IRF9: variants seen among roughly 807,000 people sequenced by gnomAD.
IRF9 encodes IFN-alpha-responsive transcription factor subunit.
IRF9 carries 13 observed loss-of-function variants against 44.1 expected under a neutral mutation model. The ratio of observed to expected loss-of-function variants is 0.29; its 90% CI spans 0.19 to 0.47. The LOEUF (loss-of-function observed/expected upper bound fraction) is 0.47, where lower values mean the gene tolerates loss of function less well. Among genes scored for constraint, IRF9 ranks in the 20% least tolerant of loss-of-function variants. The pLI is 1.00. For synonymous variants in IRF9, 189 were observed against 188.5 expected, an observed-to-expected ratio of 1.00 and a Z score of -0.02; for missense variants, 373 against 496.1, an observed-to-expected ratio of 0.75 and a Z score of 2.36.
chr14:24,163,649 C>T, intron 4 of IRF9, 141 bp downstream of exon 4: 1 of 1,024,146 alleles, frequency 9.8e-7, no homozygotes. Context: ...CCAGCCTCGA[C>T]CAACATGGTG....
intron 7 of IRF9, chr14:24,165,514 C>G: frequency 1.9e-6 from 1 of 529,090 alleles, no homozygotes; most frequent in East Asian, 3.3e-5. Flanking sequence ...TGCCCTAGCA[C>G]TGGGAGGATG....
intron 2 of IRF9, 169 bp from the exon 3 acceptor site, chr14:24,162,797 C>CAA (rs373571727): frequency 2.8e-3 from 1,239 of 447,210 alleles, no homozygotes; most frequent in Middle Eastern, 3.4e-3. Context: ...GACTCTGTCT[C>CAA]AAAAAAAAAA....
In IRF9 at chr14:24,164,604, C is replaced by A; in HGVS notation, c.650-10C>A. 6.3e-7 allele frequency: 1 copy of A among 1,576,048 alleles called. No homozygotes were observed. Among genetic ancestry groups the A allele is most frequent in the Non-Finnish European group, 8.7e-7 (1 of 1,155,264 alleles). ...TCCTCCAGCACCAGGTAGGGCTGTT[C>A]TATCCCCAGACTACTCACTGCTGCT... On this transcript the variant is annotated splice_polypyrimidine_tract_variant and intron_variant, in intron 6 of 8. Coordinates refer to ENST00000396864, the MANE Select transcript of IRF9 (RefSeq NM_006084.5). This position sits in a 1 kb window ranked among gnomAD's most constrained non-coding sequence, Gnocchi z 5.2.
At position 24,163,518 on chromosome 14, in the gene IRF9, G is replaced by A; in HGVS notation, c.495+10G>A. On this transcript the variant is annotated intron_variant, in intron 4 of 8. Coordinates refer to ENST00000396864, the MANE Select transcript of IRF9 (RefSeq NM_006084.5). ...GGACTCCCTCAATAATGTAAGAGAT[G>A]GAGAGGGAACTGGGTGGGCCTAAGG... is the stretch of plus-strand genomic sequence containing the variant. The A allele has an allele frequency of 6.2e-7, 1 of 1,613,360 alleles. No homozygotes were observed. The highest frequency in any genetic ancestry group is 8.5e-7 in the Non-Finnish European group (1 of 1,179,540).
intron 7 of IRF9, chr14:24,165,260 A>T: frequency 1.4e-6 from 1 of 695,604 alleles, no homozygotes; most frequent in East Asian, 2.7e-5. Context: ...GTGAAGGTGC[A>T]CAGAAGAATT....
chr14:24,165,309 A>G, intron 7 of IRF9: 1 of 661,474 alleles, frequency 1.5e-6, no homozygotes. Flanking sequence ...TCTCCTACGT[A>G]CACACATTTG....
At chr14:24,163,736 G>A in intron 4 of IRF9, 142 bp from the exon 5 acceptor site, 4 of 945,504 alleles carry the variant, frequency 4.2e-6, no homozygotes, top group Non-Finnish European at 6.3e-6. Flanking sequence ...TACTCAGGAG[G>A]CCGAGGCAGG....
chr14:24,164,501 A>C lies in IRF9; in HGVS notation c.650-113A>C. ...CTTGCCTCAGTGATAGGAAAACCTG[A>C]GAGGAAGCCCCCTGGCTGGTGTGGG... On this transcript the variant is annotated intron_variant, in intron 6 of 8. Transcript: ENST00000396864. This position sits in a 1 kb window ranked among gnomAD's most constrained non-coding sequence, Gnocchi z 5.2. 1.9e-6 allele frequency: 2 copies of C among 1,061,592 alleles called. No individual in the cohort carries two copies. Among genetic ancestry groups the C allele is most frequent in the Non-Finnish European group, 2.7e-6 (2 of 727,530 alleles). The allele number at this position is 1,061,592 out of a possible 1,614,324, so 65.8% of individuals were successfully genotyped here.
At chr14:24,165,183 G>C (rs753306475) in intron 7 of IRF9, 6 of 703,260 alleles carry the variant, frequency 8.5e-6, no homozygotes, top group Admixed American at 2.0e-5. Flanking sequence ...AGGTGGTTCA[G>C]GTAGAGCCCA....
intron 1 of IRF9, among the ~76,000 whole-genome samples, chr14:24,161,868 C>G (rs557529537): frequency 6.6e-4 from 101 of 152,322 alleles, no homozygotes; most frequent in Non-Finnish European, 1.3e-3. Context: ...AAATTAAGAC[C>G]AGTGCCCAAG....
At chr14:24,163,195 G>T in intron 3 of IRF9, 46 bp downstream of exon 3, 1 of 1,602,066 alleles carries the variant, frequency 6.2e-7, no homozygotes, top group South Asian at 1.1e-5. Context: ...GCAGACTGGG[G>T]AGGAAGGATA....
chr14:24,165,967 G>GACTCTACCC lies in IRF9; in HGVS notation c.1107+5_1107+6insACTCTACCC. On this transcript the variant is annotated splice_donor_region_variant and intron_variant, in intron 8 of 8. Transcript: ENST00000396864. ...CAGAATCTTATCACAGTGAAGGTGA[G>GACTCTACCC]CTCGGAGCAGGGGTAGAGTACCCAT... The GACTCTACCC allele has an allele frequency of 6.2e-7, 1 of 1,610,584 alleles. No homozygotes were observed. Among genetic ancestry groups the GACTCTACCC allele is most frequent in the Non-Finnish European group, 8.5e-7 (1 of 1,176,912 alleles).
chr14:24,162,195 G>A lies in IRF9; in HGVS notation c.51G>A (p.Val17=), dbSNP rs34348617. ...CCCGAAAACTCCGGAACTGGGTGGT[G>A]GAGCAAGTGGAGAGTGGGCAGTTTC... The part of the protein sequence containing the change: ...RCTRKLRNWV[V]EQVESGQFPG... Residue 17 remains valine (V), a synonymous_variant, in exon 2 of 9, where the codon GTG becomes GTA. Transcript: ENST00000396864. 6,394 of 1,614,134 alleles carry A rather than the reference G, an allele frequency of 4.0e-3. 212 individuals are homozygous for A. The African/African-American group carries it at 0.076, about 19-fold the overall frequency.
At chr14:24,165,804 CTCTT>C (rs768800389) in intron 7 of IRF9, 39 bp from the exon 8 acceptor site, 4 of 1,428,090 alleles carry the variant, frequency 2.8e-6, no homozygotes, top group African/African-American at 1.4e-5. Context: ...GTGGCCCTCT[CTCTT>C]CTTTTTGTTC....
At chr14:24,165,071 C>G in intron 7 of IRF9, 116 bp downstream of exon 7, 1 of 907,250 alleles carries the variant, frequency 1.1e-6, no homozygotes, top group Non-Finnish European at 1.8e-6. Context: ...TCCATGTAGC[C>G]TATGCATGGC....
At chr14:24,165,215 G>A (rs1229296694) in intron 7 of IRF9, 8 of 702,482 alleles carry the variant, frequency 1.1e-5, no homozygotes, top group Non-Finnish European at 2.1e-5. Flanking sequence ...TCATATCTTG[G>A]AGAACACCAT....
At position 24,164,085 on chromosome 14, in the gene IRF9, C is replaced by T. The variant is rs750426659; in HGVS notation, c.600C>T (p.Pro200=). Residue 200 remains proline, a synonymous_variant, in exon 6 of 9, where the codon CCC becomes CCT. Coordinates refer to ENST00000396864, the MANE Select transcript of IRF9 (RefSeq NM_006084.5). The surrounding 1 kb of genome is among the most constrained non-coding windows in gnomAD (Gnocchi z 5.2). ...CAGTTACAGACACAACTGAGGCCCC[C>T]TTTCAAGGGGATCAGAGGTCCCTGG... ...PQEVTDTTEA[P]FQGDQRSLEF... is the part of the protein sequence containing the mutation. 1.2e-6 allele frequency: 2 copies of T among 1,614,192 alleles called. No homozygotes were observed. The highest frequency in any genetic ancestry group is 1.7e-6 in the Non-Finnish European group (2 of 1,180,024).
Position 24,166,182 on chromosome 14 carries a change from C to T in IRF9, c.1168C>T (p.Leu390=). The T allele has an allele frequency of 6.2e-7, 1 of 1,614,068 alleles. No homozygotes were observed. Among genetic ancestry groups the T allele is most frequent in the Non-Finnish European group, 8.5e-7 (1 of 1,179,994 alleles). The part of the protein sequence containing the change: ...EQTPEQQAAI[L]SLV ...GACTCCAGAGCAGCAGGCAGCCATT[C>T]TGTCCCTGGTGTAGAGCCTGGGGGA... is the stretch of plus-strand genomic sequence containing the variant. Residue 390 remains leucine (L), a synonymous_variant, in exon 9 of 9, where the codon CTG becomes TTG. Coordinates refer to ENST00000396864, the MANE Select transcript of IRF9 (RefSeq NM_006084.5).
chr14:24,163,240 C>G (rs2038482145), intron 3 of IRF9, 91 bp downstream of exon 3: 5 of 1,550,694 alleles, frequency 3.2e-6, no homozygotes, highest in Non-Finnish European at 3.5e-6. Context: ...ATAGCTCTGC[C>G]CTGTCCATGC....
Sources: allele counts gnomAD v4.1 joint callset (sites outside exome capture counted in the v4.1 genomes callset), GRCh38; gene constraint gnomAD v4.1.1; non-coding constraint Gnocchi (gnomAD v3.1); transcripts MANE v1.5; gene names NCBI Gene and HGNC (gene_info 2026-07-23, HGNC 2026-07-21).